Variants in CACNA2D2 observed in about 807,000 individuals in gnomAD.
CACNA2D2 encodes the protein calcium voltage-gated channel auxiliary subunit alpha2delta 2, also known as voltage-dependent calcium channel subunit alpha-2/delta-2.
A neutral mutation model predicts 166.4 loss-of-function variants in CACNA2D2; 48 were observed. The observed-to-expected ratio is 0.29, with a 90% confidence interval of 0.23 to 0.37. The LOEUF (loss-of-function observed/expected upper bound fraction) is 0.37, where lower values mean the gene tolerates loss of function less well. Among genes scored for constraint, CACNA2D2 ranks in the 10% least tolerant of loss-of-function variants. The pLI, the probability that CACNA2D2 is intolerant of heterozygous loss-of-function variation, is 1.00. For missense variants in CACNA2D2, 1,122 were observed against 1,433.0 expected (o/e 0.78, Z 3.50); for synonymous variants, 561 against 573.7 (o/e 0.98, Z 0.32).
chr3:50,500,826 C>T (rs1285449597), intron 1 of CACNA2D2, among the ~76,000 whole-genome samples: 1 of 149,208 alleles, frequency 6.7e-6, no homozygotes, highest in African/African-American at 2.5e-5. Flanking sequence ...CTTCTCAATC[C>T]AGCAGCAGCC....
At chr3:50,448,418 T>C (rs1247276222) in intron 2 of CACNA2D2, among the ~76,000 whole-genome samples, 1 of 152,168 alleles carries the variant, frequency 6.6e-6, no homozygotes, top group Non-Finnish European at 1.5e-5. Flanking sequence ...AGTGTATCTG[T>C]ACATGTATGT....
chr3:50,383,403 T>A (rs1413799492), intron 6 of CACNA2D2, among the ~76,000 whole-genome samples: 1 of 152,200 alleles, frequency 6.6e-6, no homozygotes, highest in East Asian at 1.9e-4. Context: ...GGCTACTCTG[T>A]AGGTGCCCAT....
intron 3 of CACNA2D2, 115 bp from the exon 4 acceptor site, chr3:50,394,283 C>T: frequency 1.2e-6 from 1 of 804,830 alleles, no homozygotes; most frequent in South Asian, 1.4e-5. Context: ...TGGTGACTCC[C>T]TTCCCCTCAT....
At chr3:50,475,299 G>A (rs990604105) in intron 2 of CACNA2D2, among the ~76,000 whole-genome samples, 1 of 152,082 alleles carries the variant, frequency 6.6e-6, no homozygotes, top group African/African-American at 2.4e-5. Flanking sequence ...AGCAACAGTA[G>A]GTTGGCTTAC....
intron 6 of CACNA2D2, among the ~76,000 whole-genome samples, chr3:50,383,205 G>C (rs587759827): frequency 6.6e-6 from 1 of 152,336 alleles, no homozygotes; most frequent in African/African-American, 2.4e-5. Context: ...CAGGTGGCCT[G>C]CGGGCAGCCT....
intron 1 of CACNA2D2, among the ~76,000 whole-genome samples, chr3:50,480,227 A>T (rs1697986939): frequency 6.6e-6 from 1 of 152,186 alleles, no homozygotes. Context: ...AGCCTTTGGG[A>T]AGCCTCAGGG....
At chr3:50,413,458 C>T (rs1707119590) in intron 3 of CACNA2D2, among the ~76,000 whole-genome samples, 1 of 152,110 alleles carries the variant, frequency 6.6e-6, no homozygotes, top group Admixed American at 6.5e-5. Context: ...TGTGTGGAGT[C>T]AGGAGGCCTC....
chr3:50,375,864 A>G lies in CACNA2D2; in HGVS notation c.1790T>C (p.Ile597Thr). Residue 597 changes from isoleucine (I) to threonine (T), a missense_variant, in exon 20 of 38, where the codon ATT (isoleucine) becomes ACT (threonine). Around this residue, in one of 2 missense-constraint regions of CACNA2D2, gnomAD observed 840 missense variants for 1,166.8 expected, o/e 0.72. Coordinates refer to ENST00000424201, the MANE Select transcript of CACNA2D2 (RefSeq NM_006030.4). The surrounding 1 kb of genome is among the most constrained non-coding windows in gnomAD (Gnocchi z 4.0). ...ENKEEIRRSMIDGNKGHKQIR... is the reference protein window; with the variant it reads ...ENKEEIRRSMTDGNKGHKQIR... ...CTGCTTGTGGCCCTTGTTGCCATCA[A>G]TCATGCTCCGACGGATCTGGAAGGG... The G allele has an allele frequency of 6.2e-7, 1 of 1,612,768 alleles. No homozygotes were observed. The highest frequency in any genetic ancestry group is 8.5e-7 in the Non-Finnish European group (1 of 1,179,922).
chr3:50,378,498 C>T (rs1369264687), intron 13 of CACNA2D2, among the ~76,000 whole-genome samples, 165 bp from the exon 14 acceptor site: 1 of 152,202 alleles, frequency 6.6e-6, no homozygotes, highest in Non-Finnish European at 1.5e-5. Flanking sequence ...CTGCCAAGGG[C>T]GGTGCTATGG....
intron 6 of CACNA2D2, among the ~76,000 whole-genome samples, chr3:50,383,510 C>G (rs2106683957): frequency 6.6e-6 from 1 of 152,304 alleles, no homozygotes; most frequent in Non-Finnish European, 1.5e-5. Context: ...TCCTTTACCT[C>G]CCAGGAGCTT....
Position 50,365,294 on chromosome 3 carries a change from G to A in CACNA2D2, c.3098+62C>T, listed in dbSNP as rs1704183459. 3 of 1,262,442 alleles carry A rather than the reference G, an allele frequency of 2.4e-6. No homozygotes were observed. Among genetic ancestry groups the A allele is most frequent in the Non-Finnish European group, 1.0e-6 (1 of 976,592 alleles). 78.2% of individuals were successfully genotyped at this position (1,262,442 alleles called of 1,614,324 possible). A position where few individuals can be genotyped will look rare whatever the true frequency, so the allele number is the denominator to read the frequency against. On this transcript the variant is annotated intron_variant, in intron 35 of 37. Transcript: ENST00000424201. This position sits in a 1 kb window ranked among gnomAD's most constrained non-coding sequence, Gnocchi z 4.5. The stretch of plus-strand genomic sequence containing the variant: ...GAGGCCCCGCCCCTTCCATCCTCCC[G>A]AGCGTCTCGCCCCGCTCACAGGTTC...
chr3:50,367,294 G>T lies in CACNA2D2; in HGVS notation c.2401+100C>A. ...CTGCCCTGGCCTCAGCCAGCCTTGT[G>T]TTGGAGAGGGGCCTCAGACAGCAGA... On this transcript the variant is annotated intron_variant, in intron 27 of 37. Coordinates refer to ENST00000424201, the MANE Select transcript of CACNA2D2 (RefSeq NM_006030.4). The surrounding 1 kb of genome is among the most constrained non-coding windows in gnomAD (Gnocchi z 6.5). 1 of 1,191,406 alleles carries T rather than the reference G, an allele frequency of 8.4e-7. No individual in the cohort carries two copies. The highest frequency in any genetic ancestry group is 1.2e-6 in the Non-Finnish European group (1 of 811,888). The allele number at this position is 1,191,406 out of a possible 1,614,324, so 73.8% of individuals were successfully genotyped here. A position where few individuals can be genotyped will look rare whatever the true frequency, so the allele number is the denominator to read the frequency against.
At chr3:50,410,490 G>C (rs988719379) in intron 3 of CACNA2D2, among the ~76,000 whole-genome samples, 13 of 151,824 alleles carry the variant, frequency 8.6e-5, no homozygotes, top group South Asian at 2.1e-4. Context: ...TGGGGGGGGG[G>C]GTGTTGTCTT....
chr3:50,502,026 G>T (rs1698986509), intron 1 of CACNA2D2, among the ~76,000 whole-genome samples: 2 of 152,194 alleles, frequency 1.3e-5, no homozygotes, highest in African/African-American at 4.8e-5. Flanking sequence ...ACCCAGAGAG[G>T]CGGTTTTCCT....
At chr3:50,442,873 T>C (rs1708665489) in intron 2 of CACNA2D2, among the ~76,000 whole-genome samples, 1 of 152,166 alleles carries the variant, frequency 6.6e-6, no homozygotes, top group Non-Finnish European at 1.5e-5. Context: ...CCTCCAGGCC[T>C]TTGTCTACTC....
intron 1 of CACNA2D2, among the ~76,000 whole-genome samples, chr3:50,494,157 C>G (rs564516387): frequency 4.8e-4 from 73 of 152,230 alleles, no homozygotes; most frequent in African/African-American, 1.7e-3. Flanking sequence ...GGACTCAGCT[C>G]ACAGAGAGAA....
rs564061915 is a variant in CACNA2D2 at position 50,470,686 on chromosome 3, C to A, written c.288+5432G>T. On this transcript the variant is annotated intron_variant, in intron 2 of 37. Coordinates refer to ENST00000424201, the MANE Select transcript of CACNA2D2 (RefSeq NM_006030.4). ...CACACAGTGCTCAAGAGAGAACATT[C>A]CCAGACTTTACAGTGGGCGGGGGAG... 3.3e-5 allele frequency among the ~76,000 whole-genome samples: 5 copies of A among 151,792 alleles called. No individual in the cohort carries two copies. In the South Asian group the frequency reaches 1.0e-3, roughly 32 times the overall value.
chr3:50,366,874 T>C lies in CACNA2D2; in HGVS notation c.2546A>G (p.Lys849Arg), dbSNP rs900248727. The change falls in exon 29 of 38, where the codon AAG (lysine) becomes AGG (arginine). Residue 849 changes from lysine (K) to arginine (R), a missense_variant. Coordinates refer to ENST00000424201, the MANE Select transcript of CACNA2D2 (RefSeq NM_006030.4). The surrounding 1 kb of genome is among the most constrained non-coding windows in gnomAD (Gnocchi z 5.9). ...LDLEAWAEKF[K>R]VLASNRTHQD... ...GTGGGTACGGTTGCTGGCTAGCACC[T>C]TGAACTTCTCAGCCCAAGCCTCTAG... 2 of 1,613,432 alleles carry C rather than the reference T, an allele frequency of 1.2e-6. No individual in the cohort carries two copies. The highest frequency in any genetic ancestry group is 1.7e-6 in the Non-Finnish European group (2 of 1,180,010).
chr3:50,411,983 T>G (rs1707041796), intron 3 of CACNA2D2, among the ~76,000 whole-genome samples: 2 of 151,888 alleles, frequency 1.3e-5, no homozygotes, highest in African/African-American at 4.8e-5. Context: ...CCAAACACCT[T>G]CCCATGGCAA....
Sources: gnomAD v4.1 joint callset for allele counts (sites outside exome capture counted in the v4.1 genomes callset) on GRCh38, gnomAD v4.1.1 for gene constraint, gnomAD v4.1.1 regional missense constraint, Gnocchi (gnomAD v3.1) non-coding constraint, MANE v1.5 for transcripts, NCBI Gene and HGNC (gene_info 2026-07-23, HGNC 2026-07-21) for gene names.